ENOX1: variants seen among roughly 807,000 people sequenced by gnomAD.
ENOX1 encodes the protein ecto-NOX disulfide-thiol exchanger 1.
In ENOX1, 42 loss-of-function variants were observed where a neutral mutation model predicts 82.5. The observed-to-expected ratio is 0.51, with a 90% CI of 0.40 to 0.66. ENOX1 has a LOEUF of 0.66. Ranked by LOEUF, ENOX1 falls within the 30% of genes least tolerant of loss-of-function variation. The pLI is 0.00. For synonymous variants in ENOX1, 271 were observed against 282.2 expected (o/e 0.96, Z 0.40); for missense variants, 608 against 811.6 (o/e 0.75, Z 3.05).
chr13:43,686,312 G>C (rs1408446166), intron 1 of ENOX1, among the ~76,000 whole-genome samples: 1 of 152,248 alleles, frequency 6.6e-6, no homozygotes, highest in South Asian at 2.1e-4. Context: ...TCAGAGATGG[G>C]ATGTGAATGC....
At chr13:43,224,645 T>C (rs969475970) in intron 15 of ENOX1, among the ~76,000 whole-genome samples, 1 of 152,220 alleles carries the variant, frequency 6.6e-6, no homozygotes, top group African/African-American at 2.4e-5. Flanking sequence ...GAAGCCCAAA[T>C]TCTTCCTGAA....
intron 1 of ENOX1, among the ~76,000 whole-genome samples, chr13:43,673,374 G>C (rs1285422424): frequency 6.6e-6 from 1 of 152,098 alleles, no homozygotes; most frequent in East Asian, 1.9e-4. Flanking sequence ...CCTAGGTGCA[G>C]CCAAGCCCTC....
intron 2 of ENOX1, among the ~76,000 whole-genome samples, chr13:43,536,367 T>C (rs545463317): frequency 3.9e-5 from 6 of 152,360 alleles, no homozygotes; most frequent in African/African-American, 1.2e-4. Flanking sequence ...AGCAGGTAAC[T>C]AGCCTTGCAT....
intron 2 of ENOX1, among the ~76,000 whole-genome samples, chr13:43,637,433 A>C (rs1218702335): frequency 6.6e-6 from 1 of 152,188 alleles, no homozygotes; most frequent in African/African-American, 2.4e-5. Flanking sequence ...AGATGATACC[A>C]AAAATTAAGG....
At chr13:43,673,926 T>C (rs1447795869) in intron 1 of ENOX1, among the ~76,000 whole-genome samples, 1 of 152,190 alleles carries the variant, frequency 6.6e-6, no homozygotes, top group Non-Finnish European at 1.5e-5. Context: ...TCTTGCCGCG[T>C]GACTGATTCC....
chr13:43,264,755 G>T (rs939524532), intron 14 of ENOX1, among the ~76,000 whole-genome samples: 3 of 152,152 alleles, frequency 2.0e-5, no homozygotes, highest in African/African-American at 4.8e-5. Flanking sequence ...GATCTACAGG[G>T]TATAATATTC....
chr13:43,702,914 T>C (rs2086993083), intron 1 of ENOX1, among the ~76,000 whole-genome samples: 1 of 121,140 alleles, frequency 8.3e-6, no homozygotes, highest in Admixed American at 1.1e-4. Context: ...GTTTGCACCA[T>C]TGCACTCCAG....
At chr13:43,676,564 G>A (rs1315080819) in intron 1 of ENOX1, among the ~76,000 whole-genome samples, 5 of 152,092 alleles carry the variant, frequency 3.3e-5, no homozygotes, top group African/African-American at 1.2e-4. Flanking sequence ...ACTAAATGTG[G>A]GTTGGTTGTT....
chr13:43,402,483 A>T (rs1465106656), intron 5 of ENOX1, among the ~76,000 whole-genome samples: 1 of 152,240 alleles, frequency 6.6e-6, no homozygotes, highest in African/African-American at 2.4e-5. Flanking sequence ...AGGAAATACA[A>T]AGATGATTAG....
chr13:43,255,764 A>G (rs1244209521), intron 14 of ENOX1, among the ~76,000 whole-genome samples: 1 of 152,196 alleles, frequency 6.6e-6, no homozygotes, highest in East Asian at 1.9e-4. Flanking sequence ...GAAGAAATTG[A>G]AGATTACACA....
intron 2 of ENOX1, among the ~76,000 whole-genome samples, chr13:43,582,380 G>A (rs1298065525): frequency 1.3e-5 from 2 of 152,118 alleles, no homozygotes; most frequent in South Asian, 2.1e-4. Context: ...CAAAACTACA[G>A]AAAGCAGAAA....
At chr13:43,317,733 T>C (rs1252607356) in intron 11 of ENOX1, among the ~76,000 whole-genome samples, 1 of 150,898 alleles carries the variant, frequency 6.6e-6, no homozygotes, top group African/African-American at 2.4e-5. Flanking sequence ...GGGCCAGGCG[T>C]GGTGGCTCAT....
chr13:43,611,123 T>C (rs2082182646), intron 2 of ENOX1, among the ~76,000 whole-genome samples: 1 of 152,168 alleles, frequency 6.6e-6, no homozygotes, highest in Non-Finnish European at 1.5e-5. Flanking sequence ...TGCTTGCAAA[T>C]TGCCTAAGTG....
chr13:43,563,600 G>A (rs141520937), intron 2 of ENOX1, among the ~76,000 whole-genome samples: 216 of 151,960 alleles, frequency 1.4e-3, no homozygotes, highest in African/African-American at 4.9e-3. Context: ...TTGGTTTTTC[G>A]AAAAGTTAAA....
chr13:43,432,853 C>T (rs2055766130), intron 3 of ENOX1, among the ~76,000 whole-genome samples: 1 of 152,004 alleles, frequency 6.6e-6, no homozygotes, highest in Non-Finnish European at 1.5e-5. Context: ...ACTATTACCT[C>T]AAAGGAGCAG....
intron 12 of ENOX1, among the ~76,000 whole-genome samples, chr13:43,272,384 A>C (rs1240318561): frequency 2.0e-5 from 3 of 152,166 alleles, no homozygotes; most frequent in Non-Finnish European, 2.9e-5. Context: ...TAGGTAAAAG[A>C]GTGAATTTGG....
intron 2 of ENOX1, among the ~76,000 whole-genome samples, chr13:43,568,733 A>C (rs956010433): frequency 6.7e-6 from 1 of 149,658 alleles, no homozygotes; most frequent in Non-Finnish European, 1.5e-5. Context: ...TTCCTACACT[A>C]ATTTGTTGAT....
intron 5 of ENOX1, among the ~76,000 whole-genome samples, chr13:43,392,746 T>G (rs1247070974): frequency 6.6e-6 from 1 of 152,166 alleles, no homozygotes; most frequent in African/African-American, 2.4e-5. Flanking sequence ...AGAATAAAAT[T>G]TTAGTTTCAA....
chr13:43,666,053 T>C (rs1052851030), intron 2 of ENOX1, among the ~76,000 whole-genome samples: 7 of 151,840 alleles, frequency 4.6e-5, no homozygotes, highest in African/African-American at 1.7e-4. Context: ...CTATACTCTA[T>C]TAATTGTGCA....
Sources: gnomAD v4.1 joint callset for allele counts (sites outside exome capture counted in the v4.1 genomes callset) on GRCh38, gnomAD v4.1.1 for gene constraint, MANE v1.5 for transcripts, NCBI Gene and HGNC (gene_info 2026-07-23, HGNC 2026-07-21) for gene names.